Variants in RASSF8 observed in about 807,000 individuals in gnomAD.
The protein encoded by RASSF8 is Ras association domain family member 8, also known as ras association domain-containing protein 8.
Under a neutral mutation model 48.5 loss-of-function variants are expected in RASSF8, and 22 were observed. The observed-to-expected ratio is 0.45, with a 90% CI of 0.32 to 0.65. The LOEUF (loss-of-function observed/expected upper bound fraction) is 0.65, where lower values mean the gene tolerates loss of function less well. Among genes scored for constraint, RASSF8 ranks in the 30% least tolerant of loss-of-function variants. The pLI, the probability that RASSF8 is intolerant of heterozygous loss-of-function variation, is 0.03. For synonymous variants in RASSF8, 127 were observed against 171.5 expected (o/e 0.74, Z 2.03); for missense variants, 418 against 489.2 (o/e 0.85, Z 1.37).
At chr12:26,029,447 CAA>C (rs995528674) in intron 2 of RASSF8, among the ~76,000 whole-genome samples, 8 of 152,152 alleles carry the variant, frequency 5.3e-5, no homozygotes, top group African/African-American at 1.9e-4. Flanking sequence ...TTTCAAGAAA[CAA>C]AAAGATTTCT....
chr12:25,989,696 A>G (rs530488082), intron 1 of RASSF8, among the ~76,000 whole-genome samples: 1 of 152,338 alleles, frequency 6.6e-6, no homozygotes, highest in East Asian at 1.9e-4. Context: ...GATTTCTTGC[A>G]TAACATTTAA....
intron 2 of RASSF8, among the ~76,000 whole-genome samples, chr12:26,041,665 A>G (rs1332900779): frequency 6.6e-6 from 1 of 151,056 alleles, no homozygotes; most frequent in Non-Finnish European, 1.5e-5. Flanking sequence ...ATATATCTAC[A>G]TACATAAACA....
Position 26,072,648 on chromosome 12 carries a change from T to C in RASSF8, c.*3830T>C. On this transcript the variant is annotated 3_prime_UTR_variant, in exon 6 of 6. Transcript: ENST00000689635. ...TAGGAGGATTTGAGTTGCTGCAGCT[T>C]TAAACAGAAAATTGCCATGTTCACT... 6.1e-6 allele frequency: 6 copies of C among 985,224 alleles called. No homozygotes were observed. Among genetic ancestry groups the C allele is most frequent in the Non-Finnish European group, 4.8e-6 (4 of 829,740 alleles). 61.0% of individuals were successfully genotyped at this position (985,224 alleles called of 1,614,324 possible).
At chr12:26,036,744 C>CTAAAAAAATAAAAAA (rs1035626767) in intron 2 of RASSF8, among the ~76,000 whole-genome samples, 4 of 151,528 alleles carry the variant, frequency 2.6e-5, no homozygotes, top group Non-Finnish European at 5.9e-5. Context: ...CCTGTCTCTA[C>CTAAAAAAATAAAAAA]TAAAAAAATA....
At chr12:26,029,907 T>C (rs1430087834) in intron 2 of RASSF8, among the ~76,000 whole-genome samples, 1 of 152,204 alleles carries the variant, frequency 6.6e-6, no homozygotes, top group Non-Finnish European at 1.5e-5. Context: ...TCTTAACTTG[T>C]TTAGTCTGCC....
chr12:25,959,301 G>C (rs1941169992), intron 1 of RASSF8, 153 bp downstream of exon 1: 1 of 152,356 alleles, frequency 6.6e-6, no homozygotes, highest in Non-Finnish European at 1.5e-5. Flanking sequence ...GCCCCGCCGC[G>C]GGCTCCCGCT....
chr12:25,973,288 G>A (rs1189174176), intron 1 of RASSF8, among the ~76,000 whole-genome samples: 2 of 152,060 alleles, frequency 1.3e-5, no homozygotes, highest in East Asian at 1.9e-4. Flanking sequence ...CTAGACTGTG[G>A]GACATATGAA....
At chr12:26,057,108 G>GTGTGTA (rs1555169465) in intron 3 of RASSF8, among the ~76,000 whole-genome samples, 3 of 151,322 alleles carry the variant, frequency 2.0e-5, no homozygotes, top group Non-Finnish European at 4.4e-5. Context: ...TTTTGTGTGT[G>GTGTGTA]TGTGTGTGTG....
At chr12:25,993,368 C>G (rs1452058823) in intron 1 of RASSF8, among the ~76,000 whole-genome samples, 26 of 152,284 alleles carry the variant, frequency 1.7e-4, no homozygotes, top group Non-Finnish European at 5.9e-5. Context: ...TTTAGAAACT[C>G]ATTCTCAGCT....
chr12:25,997,033 T>C (rs187676641), intron 2 of RASSF8, among the ~76,000 whole-genome samples: 3,645 of 152,286 alleles, frequency 0.024, 64 homozygotes, highest in Non-Finnish European at 0.037. Context: ...TACATTTTTT[T>C]CCCCATAATG....
rs1332434367 is a variant in RASSF8, at chr12:25,971,321, C to T, written c.-203+12173C>T. ...GGGGAGCCCCTCAGTAGCCCTTGAT[C>T]TCCAAGTTCACTCCTTACCTCTTGA... is the stretch of plus-strand genomic sequence containing the variant. On this transcript the variant is annotated intron_variant, in intron 1 of 5. Transcript: ENST00000689635. Among the ~76,000 whole-genome samples the T allele has an allele frequency of 2.0e-5, 3 of 152,316 alleles. No homozygotes were observed. The East Asian group carries it at 5.8e-4, about 29-fold the overall frequency.
intron 2 of RASSF8, among the ~76,000 whole-genome samples, chr12:26,051,831 C>T (rs188824766): frequency 6.6e-6 from 1 of 152,278 alleles, no homozygotes; most frequent in Admixed American, 6.5e-5. Context: ...TGAACCCACA[C>T]CCAACAGCAC....
intron 2 of RASSF8, among the ~76,000 whole-genome samples, chr12:26,041,731 A>G (rs1943269970): frequency 1.3e-5 from 2 of 152,192 alleles, no homozygotes; most frequent in African/African-American, 4.8e-5. Context: ...CAGTCTTAAA[A>G]TGGAAACATA....
chr12:26,015,206 CAAA>C (rs11369240), intron 2 of RASSF8, among the ~76,000 whole-genome samples: 1 of 133,174 alleles, frequency 7.5e-6, no homozygotes, highest in Non-Finnish European at 1.6e-5. Context: ...GATCCCGTCT[CAAA>C]AAAAAAAAAA....
chr12:26,010,460 C>G (rs1159203534), intron 2 of RASSF8, among the ~76,000 whole-genome samples: 2 of 152,254 alleles, frequency 1.3e-5, no homozygotes, highest in East Asian at 3.9e-4. Flanking sequence ...CCAGTGCCAG[C>G]ACATGAGAAC....
At chr12:26,016,400 T>C (rs2137044248) in intron 2 of RASSF8, among the ~76,000 whole-genome samples, 1 of 152,272 alleles carries the variant, frequency 6.6e-6, no homozygotes, top group African/African-American at 2.4e-5. Context: ...CCCAATAATC[T>C]TTAACTGTAG....
intron 1 of RASSF8, among the ~76,000 whole-genome samples, chr12:25,971,199 G>A (rs1481891355): frequency 1.3e-5 from 2 of 152,076 alleles, no homozygotes; most frequent in African/African-American, 4.8e-5. Flanking sequence ...CTTGCTGCTG[G>A]ATGTTCTAGG....
At chr12:25,971,635 C>T (rs1386244665) in intron 1 of RASSF8, among the ~76,000 whole-genome samples, 3 of 152,150 alleles carry the variant, frequency 2.0e-5, no homozygotes, top group Non-Finnish European at 4.4e-5. Context: ...TTCCAATGAG[C>T]TTTCTTTTTG....
chr12:26,058,793 A>C (rs996284828), intron 3 of RASSF8, among the ~76,000 whole-genome samples: 1 of 152,234 alleles, frequency 6.6e-6, no homozygotes, highest in African/African-American at 2.4e-5. Flanking sequence ...ATCTATAGGA[A>C]GAAATCTTTT....
Sources: allele counts gnomAD v4.1 joint callset (sites outside exome capture counted in the v4.1 genomes callset), GRCh38; gene constraint gnomAD v4.1.1; transcripts MANE v1.5; gene names NCBI Gene and HGNC (gene_info 2026-07-23, HGNC 2026-07-21).